The following GRB10 variants were observed in gnomAD, a reference collection of about 807,000 sequenced individuals.
The protein encoded by GRB10 is growth factor receptor-bound protein 10.
GRB10 carries 20 observed loss-of-function variants against 80.9 expected under a neutral mutation model. The ratio of observed to expected loss-of-function variants is 0.25; its 90% CI spans 0.17 to 0.36. The LOEUF is 0.36. Among genes scored for constraint, GRB10 ranks in the 10% least tolerant of loss-of-function variants. The pLI, the probability that GRB10 is intolerant of heterozygous loss-of-function variation, is 1.00. For missense variants in GRB10, 548 were observed against 747.7 expected, an observed-to-expected ratio of 0.73 and a Z score of 3.12; for synonymous variants, 291 against 291.5, an observed-to-expected ratio of 1.00 and a Z score of 0.02.
At chr7:50,718,906 CAG>C (rs1411456320) in intron 4 of GRB10, among the ~76,000 whole-genome samples, 1 of 152,084 alleles carries the variant, frequency 6.6e-6, no homozygotes, top group Non-Finnish European at 1.5e-5. Flanking sequence ...TAACCAATCA[CAG>C]AGTTTCAGAG....
At chr7:50,763,499 C>G (rs1453289140) in intron 2 of GRB10, among the ~76,000 whole-genome samples, 1 of 152,178 alleles carries the variant, frequency 6.6e-6, no homozygotes. Context: ...CACAGGCATC[C>G]TTCTTGGAAT....
intron 5 of GRB10, among the ~76,000 whole-genome samples, chr7:50,675,704 T>A (rs1293625369): frequency 6.6e-6 from 1 of 152,192 alleles, no homozygotes; most frequent in Non-Finnish European, 1.5e-5. Context: ...CACAGTGTCA[T>A]GAGCCAATTC....
At chr7:50,788,391 G>A (rs1218633213) in intron 1 of GRB10, among the ~76,000 whole-genome samples, 2 of 152,116 alleles carry the variant, frequency 1.3e-5, no homozygotes, top group Non-Finnish European at 2.9e-5. Context: ...GGTAGAAAGC[G>A]GGTCTTCAGC....
chr7:50,664,174 A>C (rs2059563241), intron 7 of GRB10, among the ~76,000 whole-genome samples: 1 of 152,038 alleles, frequency 6.6e-6, no homozygotes. Context: ...CTGAGCTGAC[A>C]CCCTCCTCAC....
intron 1 of GRB10, chr7:50,781,440 C>G (rs549070516): frequency 6.6e-6 from 1 of 152,450 alleles, no homozygotes; most frequent in Admixed American, 6.5e-5. Flanking sequence ...ATCAAAGGAG[C>G]AGAGACACGC....
chr7:50,792,858 G>C (rs1339502055), intron 1 of GRB10: 2 of 150,076 alleles, frequency 1.3e-5, no homozygotes, highest in Non-Finnish European at 3.0e-5. Flanking sequence ...GCCACAGCCC[G>C]CGAGCCGCCG....
chr7:50,723,475 T>G (rs1041808353), intron 4 of GRB10, among the ~76,000 whole-genome samples: 2 of 152,196 alleles, frequency 1.3e-5, no homozygotes, highest in Non-Finnish European at 2.9e-5. Context: ...GGGTTTCAGC[T>G]GAGGTCTGGA....
At chr7:50,734,781 T>G (rs1452064916) in intron 3 of GRB10, among the ~76,000 whole-genome samples, 1 of 152,182 alleles carries the variant, frequency 6.6e-6, no homozygotes, top group Non-Finnish European at 1.5e-5. Context: ...AAACTATAGT[T>G]AGATACAGTA....
At position 50,593,106 on chromosome 7, in the gene GRB10, G is replaced by C. The variant is rs1227566877; in HGVS notation, c.1639-8C>G. On this transcript the variant is annotated splice_region_variant and splice_polypyrimidine_tract_variant and intron_variant, in intron 18 of 18. Coordinates refer to ENST00000401949, the MANE Select transcript of GRB10 (RefSeq NM_001350814.2). ...CTGCCCGTCGTCCTCGCACTGGAGA[G>C]ACACAAGAACACTTGCCAGGTTAGA... 1.2e-6 allele frequency: 2 copies of C among 1,614,114 alleles called. No individual in the cohort carries two copies. Among genetic ancestry groups the C allele is most frequent in the Non-Finnish European group, 1.7e-6 (2 of 1,180,026 alleles).
At chr7:50,669,021 A>AAGAC (rs1485211695) in intron 7 of GRB10, among the ~76,000 whole-genome samples, 1 of 152,208 alleles carries the variant, frequency 6.6e-6, no homozygotes, top group African/African-American at 2.4e-5. Context: ...TCAGGACTAC[A>AAGAC]AGACAGAAAC....
rs187481614 is a variant in GRB10, at chr7:50,597,950, G to A, written c.1545-2420C>T. The stretch of plus-strand genomic sequence containing the variant: ...GCAATCTCAGATCACTGCAACCTCC[G>A]CCTCCTAGGTTCAAGCGATTCTCCC... On this transcript the variant is annotated intron_variant, in intron 17 of 18. Coordinates refer to ENST00000401949, the MANE Select transcript of GRB10 (RefSeq NM_001350814.2). 1.1e-4 allele frequency among the ~76,000 whole-genome samples: 17 copies of A among 152,086 alleles called. 1 individual carries two copies. The highest frequency in any genetic ancestry group is 2.9e-4 in the African/African-American group (12 of 41,472).
chr7:50,724,249 G>A (rs903138533), intron 4 of GRB10, among the ~76,000 whole-genome samples: 3 of 152,226 alleles, frequency 2.0e-5, no homozygotes, highest in Admixed American at 6.5e-5. Flanking sequence ...TAGTGCTTCA[G>A]GAGCCACCTG....
chr7:50,763,361 G>C (rs1345787050), intron 2 of GRB10, among the ~76,000 whole-genome samples: 5 of 152,130 alleles, frequency 3.3e-5, no homozygotes, highest in Non-Finnish European at 7.4e-5. Flanking sequence ...AAAAGGACTG[G>C]GACTACCCAG....
chr7:50,732,513 C>A (rs1003967938), intron 3 of GRB10, 145 bp from the exon 4 acceptor site: 6 of 634,984 alleles, frequency 9.4e-6, no homozygotes, highest in African/African-American at 9.2e-5. Context: ...CTCGGGGCAC[C>A]AGCTTTTTGC....
intron 6 of GRB10, among the ~76,000 whole-genome samples, chr7:50,673,767 C>T (rs1056375823): frequency 1.1e-4 from 17 of 152,158 alleles, no homozygotes. Flanking sequence ...CTCTTTCTCA[C>T]GTGGCTCCTG....
In GRB10 at chr7:50,593,241, G is replaced by A. The variant is rs2046028123; in HGVS notation, c.1639-143C>T. ...GGCAAGGTAGGCTAGAAAACACCAG[G>A]GGCGGGAAAGACGGGAGCAGAGGAT... On this transcript the variant is annotated intron_variant, in intron 18 of 18. Coordinates refer to ENST00000401949, the MANE Select transcript of GRB10 (RefSeq NM_001350814.2). The A allele has an allele frequency of 1.3e-5, 12 of 923,950 alleles. No individual in the cohort carries two copies. The South Asian group carries it at 1.6e-4, about 13-fold the overall frequency. 57.2% of individuals were successfully genotyped at this position (923,950 alleles called of 1,614,324 possible).
At chr7:50,643,205 C>T (rs964760959) in intron 7 of GRB10, among the ~76,000 whole-genome samples, 14 of 152,116 alleles carry the variant, frequency 9.2e-5, no homozygotes, top group African/African-American at 2.7e-4. Flanking sequence ...TGAGTATGAG[C>T]GGATTAGGGT....
At chr7:50,606,018 G>A (rs753154265) in intron 14 of GRB10, among the ~76,000 whole-genome samples, 1 of 152,180 alleles carries the variant, frequency 6.6e-6, no homozygotes, top group Non-Finnish European at 1.5e-5. Context: ...GAACAAAAGC[G>A]AAAGGCAGGA....
At chr7:50,618,199 G>C in intron 9 of GRB10, 60 bp from the exon 10 acceptor site, 6 of 1,237,838 alleles carry the variant, frequency 4.8e-6, no homozygotes, top group Non-Finnish European at 4.7e-6. Context: ...GGGAAGGTAT[G>C]TCATATAGAT....
Sources: allele counts gnomAD v4.1 joint callset (sites outside exome capture counted in the v4.1 genomes callset), GRCh38; gene constraint gnomAD v4.1.1; transcripts MANE v1.5; gene names NCBI Gene and HGNC (gene_info 2026-07-23, HGNC 2026-07-21).